The following SLC35F4 variants were observed in gnomAD, a reference collection of about 807,000 sequenced individuals.
SLC35F4 encodes the protein solute carrier family 35 member F4.
A neutral mutation model predicts 44.2 loss-of-function variants in SLC35F4; 24 were observed. The ratio of observed to expected loss-of-function variants is 0.54; its 90% confidence interval spans 0.39 to 0.76. The LOEUF is 0.76. Among genes scored for constraint, SLC35F4 ranks in the 30% least tolerant of loss-of-function variants. SLC35F4 has a pLI of 0.00. For missense variants in SLC35F4, 562 were observed against 586.1 expected (o/e 0.96, Z 0.42); for synonymous variants, 238 against 223.6 (o/e 1.06, Z -0.57).
intron 2 of SLC35F4, among the ~76,000 whole-genome samples, chr14:57,590,569 A>G (rs755727697): frequency 3.3e-5 from 5 of 152,220 alleles, no homozygotes; most frequent in Non-Finnish European, 2.9e-5. Context: ...GCACACTAAA[A>G]TAGCCAAAAC....
At chr14:57,910,145 T>G (rs191025902) in intron 1 of SLC35F4, among the ~76,000 whole-genome samples, 85 of 152,278 alleles carry the variant, frequency 5.6e-4, no homozygotes, top group Middle Eastern at 6.8e-3. Context: ...TTTTATCAGA[T>G]TCTTCATTTT....
intron 1 of SLC35F4, among the ~76,000 whole-genome samples, chr14:57,667,090 G>A (rs754350859): frequency 3.5e-4 from 53 of 151,816 alleles, no homozygotes; most frequent in Non-Finnish European, 2.4e-4. Flanking sequence ...TAGGCAGACA[G>A]AGGAGAGAAG....
chr14:57,978,709 T>C (rs1267116135), intron 1 of SLC35F4, among the ~76,000 whole-genome samples: 1 of 152,200 alleles, frequency 6.6e-6, no homozygotes, highest in Non-Finnish European at 1.5e-5. Flanking sequence ...TATTACCTTA[T>C]TTACAGTGAA....
At chr14:57,903,675 T>C (rs759261817) in intron 1 of SLC35F4, among the ~76,000 whole-genome samples, 1 of 152,208 alleles carries the variant, frequency 6.6e-6, no homozygotes, top group African/African-American at 2.4e-5. Flanking sequence ...TAAGTGTTAG[T>C]CCACTGTCAT....
intron 1 of SLC35F4, among the ~76,000 whole-genome samples, chr14:57,785,109 G>T (rs8014137): frequency 0.27 from 41,558 of 152,082 alleles, 6,135 homozygotes; most frequent in Admixed American, 0.39. Flanking sequence ...ATAGATTTTT[G>T]ACTGCACAGG....
At chr14:57,588,316 G>A (rs931174297) in intron 3 of SLC35F4, among the ~76,000 whole-genome samples, 33 of 152,132 alleles carry the variant, frequency 2.2e-4, no homozygotes, top group Admixed American at 2.6e-4. Flanking sequence ...GTAAGTCCAT[G>A]TGGAGAACTC....
At position 57,673,900 on chromosome 14, in the gene SLC35F4, G is replaced by T. The variant is rs977684036; in HGVS notation, c.104-79776C>A. Among the ~76,000 whole-genome samples, 4 of 151,916 alleles carry T rather than the reference G, an allele frequency of 2.6e-5. No homozygotes were observed. In the South Asian group the frequency reaches 8.3e-4, roughly 31 times the overall value. ...AAGACTACTAATCTAACAAAGCACTGTTATCAAGGATTTAACAAAGAATAC... is the reference window on the plus strand; with the variant it reads ...AAGACTACTAATCTAACAAAGCACTTTTATCAAGGATTTAACAAAGAATAC... On this transcript the variant is annotated intron_variant, in intron 1 of 7. Coordinates refer to ENST00000556826, the MANE Select transcript of SLC35F4 (RefSeq NM_001306087.2).
At chr14:57,785,997 C>G (rs2077747565) in intron 1 of SLC35F4, among the ~76,000 whole-genome samples, 1 of 152,096 alleles carries the variant, frequency 6.6e-6, no homozygotes, top group Admixed American at 6.5e-5. Context: ...TCTTTGGCAG[C>G]TGGAAGACGG....
intron 1 of SLC35F4, among the ~76,000 whole-genome samples, chr14:57,744,602 C>A (rs1820744355): frequency 6.6e-6 from 1 of 152,146 alleles, no homozygotes; most frequent in African/African-American, 2.4e-5. Context: ...GAAGAAAATT[C>A]CACGCTCATG....
At chr14:57,576,147 T>G (rs1422891364) in intron 4 of SLC35F4, among the ~76,000 whole-genome samples, 1 of 152,222 alleles carries the variant, frequency 6.6e-6, no homozygotes, top group East Asian at 1.9e-4. Context: ...TGCATAACAG[T>G]ACCAGCTCTT....
At chr14:57,608,802 G>GA (rs2071323432) in intron 1 of SLC35F4, among the ~76,000 whole-genome samples, 1 of 109,978 alleles carries the variant, frequency 9.1e-6, no homozygotes, top group Non-Finnish European at 2.0e-5. Context: ...GGGGGCGGCG[G>GA]GGGGAGAGAA....
chr14:57,571,977 C>T lies in SLC35F4; in HGVS notation c.850G>A (p.Ala284Thr), dbSNP rs1046571265. Residue 284 changes from alanine (A) to threonine (T), a missense_variant, in exon 5 of 8, where the codon GCA (alanine) becomes ACA (threonine). By Grantham distance (58) the Ala-to-Thr change is moderately conservative (BLOSUM62 0). Transcript: ENST00000556826. ...TCAGCGTGGAAATTATCTGCATATG[C>T]CATCATGACAATGCCGGTAATTGCC... is the stretch of plus-strand genomic sequence containing the variant. ...IMAITGIVMMAYADNFHADSI... is the reference protein window; with the variant it reads ...IMAITGIVMMTYADNFHADSI... The T allele has an allele frequency of 5.0e-6, 8 of 1,611,786 alleles. No individual in the cohort carries two copies. The highest frequency in any genetic ancestry group is 6.8e-6 in the Non-Finnish European group (8 of 1,178,918).
At chr14:57,784,590 T>A (rs2077711722) in intron 1 of SLC35F4, among the ~76,000 whole-genome samples, 1 of 152,072 alleles carries the variant, frequency 6.6e-6, no homozygotes. Context: ...GCTGGGAGAA[T>A]CTCTTGCGCC....
In SLC35F4 at chr14:57,709,058, G is replaced by A. The variant is rs541455148; in HGVS notation, c.104-114934C>T. 2.0e-5 allele frequency among the ~76,000 whole-genome samples: 3 copies of A among 152,350 alleles called. No homozygotes were observed. In the East Asian group the frequency reaches 5.8e-4, roughly 29 times the overall value. On this transcript the variant is annotated intron_variant, in intron 1 of 7. Coordinates refer to ENST00000556826, the MANE Select transcript of SLC35F4 (RefSeq NM_001306087.2). ...GCGGACTAGGAGCGTGACCACTGAA[G>A]CACAGCATCACAGGGAGATGGTTAG...
At position 57,849,072 on chromosome 14, in the gene SLC35F4, T is replaced by C. The variant is rs572791000; in HGVS notation, c.103+16651A>G. On this transcript the variant is annotated intron_variant, in intron 1 of 7. Transcript: ENST00000556826. ...TATATAATGCCAGACCCTTCATAGTTCTTGACCACTTCAGCCATTCTCACA... is the reference window on the plus strand; with the variant it reads ...TATATAATGCCAGACCCTTCATAGTCCTTGACCACTTCAGCCATTCTCACA... Among the ~76,000 whole-genome samples, 11 of 152,352 alleles carry C rather than the reference T, an allele frequency of 7.2e-5. No homozygotes were observed. In the South Asian group the frequency reaches 2.3e-3, roughly 32 times the overall value.
intron 1 of SLC35F4, among the ~76,000 whole-genome samples, chr14:57,723,426 G>A (rs1213607206): frequency 6.6e-6 from 1 of 152,166 alleles, no homozygotes; most frequent in East Asian, 1.9e-4. Flanking sequence ...AAAGATGCAG[G>A]GGTGGTGATT....
At chr14:57,748,160 A>AT (rs2076802440) in intron 1 of SLC35F4, among the ~76,000 whole-genome samples, 1 of 152,148 alleles carries the variant, frequency 6.6e-6, no homozygotes, top group Non-Finnish European at 1.5e-5. Flanking sequence ...CAGTTGGTTA[A>AT]TTTTTTGGTT....
chr14:57,712,193 G>T (rs878863361), intron 1 of SLC35F4, among the ~76,000 whole-genome samples: 5 of 152,162 alleles, frequency 3.3e-5, no homozygotes, highest in Admixed American at 3.3e-4. Flanking sequence ...TTTTTGAGAG[G>T]AACATGCCAC....
At chr14:57,684,345 G>A (rs1018528477) in intron 1 of SLC35F4, among the ~76,000 whole-genome samples, 1 of 152,128 alleles carries the variant, frequency 6.6e-6, no homozygotes, top group Non-Finnish European at 1.5e-5. Flanking sequence ...TGGCACCGGG[G>A]ACTGTTTTTT....
Sources: allele counts gnomAD v4.1 joint callset (sites outside exome capture counted in the v4.1 genomes callset), GRCh38; gene constraint gnomAD v4.1.1; transcripts MANE v1.5; gene names NCBI Gene and HGNC (gene_info 2026-07-23, HGNC 2026-07-21).